Variants in ZNF514 observed in about 807,000 individuals in gnomAD.
ZNF514 encodes the protein zinc finger protein 514.
Under a neutral mutation model 9.7 loss-of-function variants are expected in ZNF514, and 12 were observed. That is an observed-to-expected ratio of 1.24 (90% confidence interval 0.79 to 2.01). The LOEUF (loss-of-function observed/expected upper bound fraction) is 2.01, where lower values mean the gene tolerates loss of function less well. Among genes scored for constraint, ZNF514 ranks in the 30% most tolerant of loss-of-function variants. The pLI is 0.00. For missense variants in ZNF514, 467 were observed against 465.5 expected, an observed-to-expected ratio of 1.00 and a Z score of -0.03; for synonymous variants, 158 against 163.7, an observed-to-expected ratio of 0.97 and a Z score of 0.27.
At chr2:95,154,784 T>C (rs149415004) in intron 2 of ZNF514, 13 of 152,322 alleles carry the variant, frequency 8.5e-5, no homozygotes, top group African/African-American at 3.1e-4. Context: ...ACAATATACA[T>C]CAGCTTCTGC....
downstream of ZNF514, among the ~76,000 whole-genome samples, chr2:95,140,357 C>T (rs1245515329): frequency 3.9e-5 from 6 of 152,244 alleles, no homozygotes; most frequent in Middle Eastern, 0.01. Context: ...CCATGGCTCA[C>T]GCCTGTAATC....
rs200939633 is a variant in ZNF514 at position 95,150,166 on chromosome 2, C to G, written c.319G>C (p.Val107Leu). 2.1e-4 allele frequency: 340 copies of G among 1,609,364 alleles called. No homozygotes were observed. Among genetic ancestry groups the G allele is most frequent in the Non-Finnish European group, 2.8e-4 (326 of 1,179,908 alleles). The change falls in exon 5 of 5, where the codon GTG becomes CTG. Residue 107 changes from valine (V) to leucine (L), a missense_variant. Coordinates refer to ENST00000295208, the MANE Select transcript of ZNF514 (RefSeq NM_032788.3). ...GCTTTCAACTTCGAGAACTGCAGCACATCTTGAATGTGTTTTTCCACTGAT... is the reference window on the plus strand; with the variant it reads ...GCTTTCAACTTCGAGAACTGCAGCAGATCTTGAATGTGTTTTTCCACTGAT... ...VVSVEKHIQD[V>L]LQFSKLKAAC...
Position 95,157,442 on chromosome 2 carries a change from G to A in ZNF514, c.-95-3C>T, listed in dbSNP as rs1172426377. 1.6e-6 allele frequency: 2 copies of A among 1,289,236 alleles called. No homozygotes were observed. The highest frequency in any genetic ancestry group is 5.6e-5 in the East Asian group (1 of 18,018). The allele number at this position is 1,289,236 out of a possible 1,614,324, so 79.9% of individuals were successfully genotyped here. On this transcript the variant is annotated splice_region_variant and splice_polypyrimidine_tract_variant and intron_variant, in intron 1 of 4. Transcript: ENST00000295208. ...AGCAGGATTCTGAGAAGGGGAAGCTGGGAAGGTAGAAGGAGACATAAGGGA... is the reference window on the plus strand; with the variant it reads ...AGCAGGATTCTGAGAAGGGGAAGCTAGGAAGGTAGAAGGAGACATAAGGGA...
chr2:95,127,781 A>C, the ZNF514 span, among the ~76,000 whole-genome samples: 1 of 151,948 alleles, frequency 6.6e-6, no homozygotes, highest in East Asian at 1.9e-4. Context: ...GCTAATTTTT[A>C]TATTTTTAGT....
At chr2:95,136,966 T>C in the ZNF514 span, among the ~76,000 whole-genome samples, 4 of 152,292 alleles carry the variant, frequency 2.6e-5, no homozygotes, top group African/African-American at 9.6e-5. Context: ...TATATGACTT[T>C]AGGGTACTCT....
chr2:95,156,667 C>CT (rs1349887428), intron 2 of ZNF514, among the ~76,000 whole-genome samples: 1 of 152,194 alleles, frequency 6.6e-6, no homozygotes, highest in East Asian at 1.9e-4. Flanking sequence ...TAAATAATAA[C>CT]TATTTTCATC....
the ZNF514 span, among the ~76,000 whole-genome samples, chr2:95,138,115 C>G: frequency 6.6e-5 from 10 of 152,180 alleles, no homozygotes; most frequent in Non-Finnish European, 2.9e-5. Context: ...AACTATGAAC[C>G]AGTTGAACCT....
At chr2:95,143,332 G>A (rs1673289559), downstream of ZNF514, among the ~76,000 whole-genome samples, 1 of 152,072 alleles carries the variant, frequency 6.6e-6, no homozygotes, top group South Asian at 2.1e-4. Flanking sequence ...GTGTAATAAA[G>A]AACTTGGGCC....
At chr2:95,129,055 C>A in the ZNF514 span, among the ~76,000 whole-genome samples, 1 of 152,242 alleles carries the variant, frequency 6.6e-6, no homozygotes, top group Non-Finnish European at 1.5e-5. Flanking sequence ...TGGGCCTACA[C>A]TTCCGTCAGT....
Position 95,149,190 on chromosome 2 carries a change from C to T in ZNF514, c.*92G>A, listed in dbSNP as rs1673446195. On this transcript the variant is annotated 3_prime_UTR_variant, in exon 5 of 5. Transcript: ENST00000295208. ...GAACAAGATGTGGTCTTCCCACATA[C>T]ATTACACCTTTAGGATCTCTCTCTG... 1.4e-6 allele frequency: 2 copies of T among 1,437,290 alleles called. No individual in the cohort carries two copies. Among genetic ancestry groups the T allele is most frequent in the East Asian group, 2.3e-5 (1 of 43,624 alleles). 89.0% of individuals were successfully genotyped at this position (1,437,290 alleles called of 1,614,324 possible).
In ZNF514 at chr2:95,148,955, TTG is replaced by T; in HGVS notation, c.*325_*326del. The T allele has an allele frequency of 3.6e-6, 1 of 276,884 alleles. No homozygotes were observed. The allele number at this position is 276,884 out of a possible 1,614,324, so 17.2% of individuals were successfully genotyped here. ...AAAGAATCAGTATGTAACTGAAGGC[TTG>T]CCACACTCACTGCATTGATAAGGCT... On this transcript the variant is annotated 3_prime_UTR_variant, in exon 5 of 5. Transcript: ENST00000295208.
intron 2 of ZNF514, among the ~76,000 whole-genome samples, chr2:95,156,449 A>G (rs1165078885): frequency 1.3e-5 from 2 of 152,186 alleles, no homozygotes; most frequent in Non-Finnish European, 2.9e-5. Flanking sequence ...GACAGCCTGG[A>G]TGTAAAATTG....
At chr2:95,157,632 C>T (rs1013540705) in intron 1 of ZNF514, among the ~76,000 whole-genome samples, 193 bp from the exon 2 acceptor site, 1 of 152,190 alleles carries the variant, frequency 6.6e-6, no homozygotes, top group African/African-American at 2.4e-5. Flanking sequence ...TACACAGCTG[C>T]ATGAGGCTCC....
chr2:95,133,248 C>T, the ZNF514 span, among the ~76,000 whole-genome samples: 6 of 152,130 alleles, frequency 3.9e-5, no homozygotes, highest in South Asian at 6.2e-4. Context: ...GTGGGAGAAT[C>T]GCTTAAGCCC....
In ZNF514 at chr2:95,159,725, CA is replaced by C. The variant is rs1673809271; in HGVS notation, c.-582del. ...GCCAGCCCCCGCGTCCGCCCCGCGC[CA>C]GCCCCCGCGTCCGCCCCGCGCCAGC... On this transcript the variant is annotated 5_prime_UTR_variant, in exon 1 of 5. Transcript: ENST00000295208. 7.1e-6 allele frequency: 1 copy of C among 140,010 alleles called. No homozygotes were observed. The highest frequency in any genetic ancestry group is 2.6e-5 in the African/African-American group (1 of 39,118). 8.7% of individuals were successfully genotyped at this position (140,010 alleles called of 1,614,324 possible). A position where few individuals can be genotyped will look rare whatever the true frequency, so the allele number is the denominator to read the frequency against.
chr2:95,131,666 T>C, the ZNF514 span, among the ~76,000 whole-genome samples: 1 of 152,220 alleles, frequency 6.6e-6, no homozygotes. Context: ...CTTATTTTTT[T>C]ACTAAGAGGC....
At chr2:95,123,921 T>C in the ZNF514 span, among the ~76,000 whole-genome samples, 1 of 152,204 alleles carries the variant, frequency 6.6e-6, no homozygotes, top group Non-Finnish European at 1.5e-5. Context: ...AGATAGGAAG[T>C]TGCAAAAATA....
chr2:95,140,769 T>C (rs1404285687), downstream of ZNF514, among the ~76,000 whole-genome samples: 2 of 148,716 alleles, frequency 1.3e-5, no homozygotes, highest in African/African-American at 5.0e-5. Flanking sequence ...AGGTCAGGAG[T>C]TAAGAGACCA....
At chr2:95,135,308 C>T in the ZNF514 span, among the ~76,000 whole-genome samples, 1 of 151,926 alleles carries the variant, frequency 6.6e-6, no homozygotes, top group Non-Finnish European at 1.5e-5. Context: ...TTTGCCACTT[C>T]TTTTGTTAAA....
Sources: gnomAD v4.1 joint callset for allele counts (sites outside exome capture counted in the v4.1 genomes callset) on GRCh38, gnomAD v4.1.1 for gene constraint, MANE v1.5 for transcripts, NCBI Gene and HGNC (gene_info 2026-07-23, HGNC 2026-07-21) for gene names.